Variants in CACNG5 observed in about 807,000 individuals in gnomAD.
The protein encoded by CACNG5 is calcium voltage-gated channel auxiliary subunit gamma 5, also known as voltage-dependent calcium channel gamma-5 subunit.
A neutral mutation model predicts 24.8 loss-of-function variants in CACNG5; 18 were observed. The observed-to-expected ratio is 0.73, with a 90% CI of 0.50 to 1.08. The LOEUF (loss-of-function observed/expected upper bound fraction) is 1.08, where lower values mean the gene tolerates loss of function less well. CACNG5 is among the 50% of genes least tolerant of loss of function. CACNG5 has a pLI of 0.00. For missense variants in CACNG5, 349 were observed against 367.9 expected (o/e 0.95, Z 0.42); for synonymous variants, 157 against 149.1 (o/e 1.05, Z -0.39).
chr17:66,855,085 T>C (rs1326088014), intron 1 of CACNG5, among the ~76,000 whole-genome samples: 1 of 152,212 alleles, frequency 6.6e-6, no homozygotes, highest in African/African-American at 2.4e-5. Context: ...TGAAAAACAA[T>C]TGGCGTTGCC....
intron 1 of CACNG5, among the ~76,000 whole-genome samples, chr17:66,858,486 C>T (rs770204915): frequency 2.0e-5 from 3 of 152,174 alleles, no homozygotes; most frequent in African/African-American, 4.8e-5. Flanking sequence ...GGGCCTCCCC[C>T]ACCCGCCACG....
chr17:66,879,148 A>T, intron 3 of CACNG5, 90 bp downstream of exon 3: 1 of 946,706 alleles, frequency 1.1e-6, no homozygotes, highest in Non-Finnish European at 1.7e-6. Context: ...CATATTTCTC[A>T]AGAGGAATGC....
rs765113947 is a variant in CACNG5 at position 66,885,070 on chromosome 17, C to T, written c.658C>T (p.Arg220Trp). The T allele has an allele frequency of 1.2e-5, 19 of 1,614,114 alleles. No individual in the cohort carries two copies. The East Asian group carries it at 1.6e-4, about 13-fold the overall frequency. Residue 220 changes from arginine (R) to tryptophan (W), a missense_variant, in exon 6 of 6, where the codon CGG (arginine) becomes TGG (tryptophan). Physicochemically the swap from Arg to Trp is moderately radical, Grantham distance 101. Transcript: ENST00000533854. Reference protein sequence around the residue: ...YRPHPGFYRPRLSNCSDYSGQ... With the variant: ...YRPHPGFYRPWLSNCSDYSGQ... ...GCCCCACCCTGGCTTCTACCGCCCT[C>T]GGCTGAGCAACTGCTCCGATTACTC...
chr17:66,877,421 C>T lies in CACNG5; in HGVS notation c.89C>T (p.Thr30Ile). 3 of 1,614,124 alleles carry T rather than the reference C, an allele frequency of 1.9e-6. No individual in the cohort carries two copies. Among genetic ancestry groups the T allele is most frequent in the Non-Finnish European group, 2.5e-6 (3 of 1,180,000 alleles). ...GLGLLGIAVS[T>I]DYWLYLEEGV... ...GGCCTCCTGGGTATCGCGGTCAGCA[C>T]CGACTACTGGCTGTACCTGGAGGAG... The change falls in exon 2 of 6, where the codon ACC (threonine) becomes ATC (isoleucine). Residue 30 changes from threonine to isoleucine, a missense_variant. Coordinates refer to ENST00000533854, the MANE Select transcript of CACNG5 (RefSeq NM_145811.3).
At chr17:66,871,580 C>T (rs1271698624) in intron 1 of CACNG5, among the ~76,000 whole-genome samples, 1 of 152,176 alleles carries the variant, frequency 6.6e-6, no homozygotes, top group Non-Finnish European at 1.5e-5. Context: ...AGACATTTCT[C>T]CCTAATTGCT....
At chr17:66,881,677 A>G (rs942939559) in intron 4 of CACNG5, among the ~76,000 whole-genome samples, 1 of 152,216 alleles carries the variant, frequency 6.6e-6, no homozygotes, top group Admixed American at 6.5e-5. Context: ...AGGACTATGA[A>G]TGGTGGCCAG....
At chr17:66,846,693 C>T (rs1438969464) in intron 1 of CACNG5, among the ~76,000 whole-genome samples, 3 of 152,146 alleles carry the variant, frequency 2.0e-5, no homozygotes, top group Non-Finnish European at 4.4e-5. Flanking sequence ...GGGTTATTTC[C>T]GTCTTTGGAC....
rs899107799 is a variant in CACNG5, at chr17:66,893,083, C to T, written c.*7843C>T. On this transcript the variant is annotated 3_prime_UTR_variant, in exon 6 of 6. Transcript: ENST00000533854. ...CTCATGTAACCCTTTCCATCCTGTA[C>T]GTAGAATACTGAGACCTAAAGAAGT... is the stretch of plus-strand genomic sequence containing the variant. Among the ~76,000 whole-genome samples the T allele has an allele frequency of 2.0e-5, 3 of 152,144 alleles. No homozygotes were observed. The highest frequency in any genetic ancestry group is 6.5e-5 in the Admixed American group (1 of 15,282).
rs142340168 is a variant in CACNG5 at position 66,890,510 on chromosome 17, G to C, written c.*5270G>C. Among the ~76,000 whole-genome samples, 376 of 152,336 alleles carry C rather than the reference G, an allele frequency of 2.5e-3. 3 individuals are homozygous for C. The highest frequency in any genetic ancestry group is 8.7e-3 in the African/African-American group (363 of 41,572). ...AACCAGGATCCTGGACCTCTGCTCTGTGACCTTGGACATATCACATCCTTC... is the reference window on the plus strand; with the variant it reads ...AACCAGGATCCTGGACCTCTGCTCTCTGACCTTGGACATATCACATCCTTC... On this transcript the variant is annotated 3_prime_UTR_variant, in exon 6 of 6. Coordinates refer to ENST00000533854, the MANE Select transcript of CACNG5 (RefSeq NM_145811.3).
chr17:66,859,668 C>T (rs1254937604), intron 1 of CACNG5, among the ~76,000 whole-genome samples: 3 of 152,108 alleles, frequency 2.0e-5, no homozygotes, highest in Non-Finnish European at 4.4e-5. Flanking sequence ...CTTCTCCAAT[C>T]CCTCCTTCCT....
Position 66,889,414 on chromosome 17 carries a change from T to C in CACNG5, c.*4174T>C, listed in dbSNP as rs1263301529. ...GGTTGCCACAGGCTTATCAGTGATGTCCCTAGAGAATCACATGTAGGGGGC... is the reference window on the plus strand; with the variant it reads ...GGTTGCCACAGGCTTATCAGTGATGCCCCTAGAGAATCACATGTAGGGGGC... On this transcript the variant is annotated 3_prime_UTR_variant, in exon 6 of 6. Transcript: ENST00000533854. Among the ~76,000 whole-genome samples the C allele has an allele frequency of 1.3e-5, 2 of 152,160 alleles. No individual in the cohort carries two copies. Among genetic ancestry groups the C allele is most frequent in the Admixed American group, 6.5e-5 (1 of 15,274 alleles).
At position 66,880,584 on chromosome 17, in the gene CACNG5, C is replaced by T. The variant is rs754751112; in HGVS notation, c.311C>T (p.Pro104Leu). The T allele has an allele frequency of 1.9e-6, 3 of 1,614,260 alleles. No homozygotes were observed. The highest frequency in any genetic ancestry group is 2.2e-5 in the South Asian group (2 of 91,088). Residue 104 changes from proline to leucine, a missense_variant, in exon 4 of 6, where the codon CCT (proline) becomes CTT (leucine). Coordinates refer to ENST00000533854, the MANE Select transcript of CACNG5 (RefSeq NM_145811.3). The stretch of plus-strand genomic sequence containing the variant: ...ATGATCCGCTCAGCCACACCATTCC[C>T]TCTGGTCAGCCTCTTCTTCATGTTC... ...LKMIRSATPF[P>L]LVSLFFMFIG...
chr17:66,839,424 A>G (rs1293130676), intron 1 of CACNG5, among the ~76,000 whole-genome samples: 2 of 152,118 alleles, frequency 1.3e-5, no homozygotes, highest in African/African-American at 4.8e-5. Context: ...GAAATGAACA[A>G]TACATATGCT....
chr17:66,842,542 C>A (rs762318404), intron 1 of CACNG5, among the ~76,000 whole-genome samples: 1 of 152,102 alleles, frequency 6.6e-6, no homozygotes, highest in Non-Finnish European at 1.5e-5. Flanking sequence ...AAGAAAAAGG[C>A]GGAGTTGATT....
chr17:66,848,207 C>T (rs1976663918), intron 1 of CACNG5, among the ~76,000 whole-genome samples: 1 of 152,236 alleles, frequency 6.6e-6, no homozygotes, highest in South Asian at 2.1e-4. Flanking sequence ...TTGCTGCCCA[C>T]TCTGAATCCT....
At chr17:66,878,322 A>G (rs562748782) in intron 2 of CACNG5, among the ~76,000 whole-genome samples, 1 of 152,300 alleles carries the variant, frequency 6.6e-6, no homozygotes, top group African/African-American at 2.4e-5. Flanking sequence ...CTTGTAACTT[A>G]TGTGTGCACT....
chr17:66,837,600 A>C (rs1230906113), intron 1 of CACNG5, among the ~76,000 whole-genome samples: 1 of 152,200 alleles, frequency 6.6e-6, no homozygotes, highest in Non-Finnish European at 1.5e-5. Flanking sequence ...TGTTCCCCCA[A>C]ACCTAGCCAT....
chr17:66,849,596 G>A lies in CACNG5; in HGVS notation c.-104+14346G>A, dbSNP rs145509978. Among the ~76,000 whole-genome samples the A allele has an allele frequency of 5.9e-5, 9 of 152,262 alleles. No individual in the cohort carries two copies. In the East Asian group the frequency reaches 1.7e-3, roughly 29 times the overall value. On this transcript the variant is annotated intron_variant, in intron 1 of 5. Transcript: ENST00000533854. ...CAGGCTGAATGGCTGAACACAGGTG[G>A]GGGACCACATCCCAGAAGGCACAAA...
chr17:66,869,910 C>T (rs544255497), intron 1 of CACNG5, among the ~76,000 whole-genome samples: 3 of 151,968 alleles, frequency 2.0e-5, no homozygotes, highest in African/African-American at 4.8e-5. Context: ...GGTGAAACCC[C>T]GTCTCTACTA....
Sources: gnomAD v4.1 joint callset for allele counts (sites outside exome capture counted in the v4.1 genomes callset) on GRCh38, gnomAD v4.1.1 for gene constraint, MANE v1.5 for transcripts, NCBI Gene and HGNC (gene_info 2026-07-23, HGNC 2026-07-21) for gene names.